The following GRIN2B variants were observed in gnomAD, a reference collection of about 807,000 sequenced individuals.
GRIN2B encodes the protein glutamate ionotropic receptor NMDA type subunit 2B.
A neutral mutation model predicts 114.5 loss-of-function variants in GRIN2B; 5 were observed. The observed-to-expected ratio is 0.04, with a 90% confidence interval of 0.02 to 0.09. The LOEUF (loss-of-function observed/expected upper bound fraction) is 0.09, where lower values mean the gene tolerates loss of function less well. Among genes scored for constraint, GRIN2B ranks in the 10% least tolerant of loss-of-function variants. The pLI, the probability that GRIN2B is intolerant of heterozygous loss-of-function variation, is 1.00. For missense variants in GRIN2B, 1,108 were observed against 1,943.5 expected, an observed-to-expected ratio of 0.57 and a Z score of 8.08; for synonymous variants, 787 against 745.1, an observed-to-expected ratio of 1.06 and a Z score of -0.92.
chr12:13,828,526 T>C (rs1865093002), intron 3 of GRIN2B, among the ~76,000 whole-genome samples: 1 of 152,176 alleles, frequency 6.6e-6, no homozygotes, highest in Non-Finnish European at 1.5e-5. Flanking sequence ...AAAACTCTCA[T>C]GCCTTATCCT....
intron 3 of GRIN2B, among the ~76,000 whole-genome samples, chr12:13,796,605 T>C (rs1261293670): frequency 2.6e-5 from 4 of 152,160 alleles, no homozygotes; most frequent in African/African-American, 4.8e-5. Flanking sequence ...AAAAAGACAA[T>C]GATCAACTCA....
intron 10 of GRIN2B, among the ~76,000 whole-genome samples, chr12:13,576,864 A>T (rs908649612): frequency 3.3e-5 from 5 of 152,166 alleles, no homozygotes; most frequent in African/African-American, 1.2e-4. Flanking sequence ...AGTACTCTTT[A>T]TTAATCACCT....
intron 2 of GRIN2B, among the ~76,000 whole-genome samples, chr12:13,890,874 C>A (rs919488644): frequency 6.6e-6 from 1 of 152,150 alleles, no homozygotes; most frequent in African/African-American, 2.4e-5. Flanking sequence ...ACAGGTAGTG[C>A]CCTGGGTATC....
chr12:13,871,007 TA>T (rs1865896782), intron 2 of GRIN2B, among the ~76,000 whole-genome samples: 1 of 152,028 alleles, frequency 6.6e-6, no homozygotes, highest in Non-Finnish European at 1.5e-5. Context: ...GTATAACATA[TA>T]GGTACCAGGA....
intron 2 of GRIN2B, among the ~76,000 whole-genome samples, chr12:13,891,590 C>T: frequency 6.6e-6 from 1 of 151,190 alleles, no homozygotes; most frequent in Non-Finnish European, 1.5e-5. Context: ...TTCTCACCTA[C>T]TGTACAAATG....
chr12:13,669,672 C>T (rs1174884232), intron 5 of GRIN2B, among the ~76,000 whole-genome samples: 1 of 152,142 alleles, frequency 6.6e-6, no homozygotes, highest in Admixed American at 6.5e-5. Flanking sequence ...TGATGTCTCA[C>T]ACCATGCTAG....
intron 3 of GRIN2B, among the ~76,000 whole-genome samples, chr12:13,766,171 ATC>A (rs1863782345): frequency 6.6e-6 from 1 of 152,240 alleles, no homozygotes; most frequent in African/African-American, 2.4e-5. Context: ...TTAAATGCTT[ATC>A]AGGTGCTGTA....
At chr12:13,581,205 C>T (rs764640487) in intron 10 of GRIN2B, among the ~76,000 whole-genome samples, 2 of 152,124 alleles carry the variant, frequency 1.3e-5, no homozygotes, top group Non-Finnish European at 1.5e-5. Context: ...ATGCCCCATG[C>T]TCCCAAAGTT....
chr12:13,943,654 C>A (rs560810346), intron 2 of GRIN2B, among the ~76,000 whole-genome samples: 1 of 152,130 alleles, frequency 6.6e-6, no homozygotes, highest in Non-Finnish European at 1.5e-5. Flanking sequence ...GTTTCCTCAG[C>A]CTGGGACGCT....
intron 9 of GRIN2B, among the ~76,000 whole-genome samples, chr12:13,609,536 G>A (rs1182501451): frequency 6.6e-6 from 1 of 152,150 alleles, no homozygotes; most frequent in Non-Finnish European, 1.5e-5. Context: ...CACTTTGGGA[G>A]GCCGAGGTGG....
intron 5 of GRIN2B, 93 bp from the exon 6 acceptor site, chr12:13,616,750 T>A (rs923358901): frequency 9.7e-7 from 1 of 1,032,898 alleles, no homozygotes; most frequent in South Asian, 1.3e-5. Flanking sequence ...CAGGAAGCAG[T>A]TGAACAAAAG....
chr12:13,921,487 T>C (rs1464520655), intron 2 of GRIN2B, among the ~76,000 whole-genome samples: 3 of 152,180 alleles, frequency 2.0e-5, no homozygotes, highest in African/African-American at 7.2e-5. Context: ...TACTTTACCT[T>C]GCAGTCTCAA....
At position 13,564,708 on chromosome 12, in the gene GRIN2B, C is replaced by G. The variant is rs996944499; in HGVS notation, c.2599-69G>C. 10 of 1,340,972 alleles carry G rather than the reference C, an allele frequency of 7.5e-6. No individual in the cohort carries two copies. The highest frequency in any genetic ancestry group is 1.1e-5 in the Non-Finnish European group (10 of 937,030). 83.1% of individuals were successfully genotyped at this position (1,340,972 alleles called of 1,614,324 possible). On this transcript the variant is annotated intron_variant, in intron 13 of 13. Coordinates refer to ENST00000609686, the MANE Select transcript of GRIN2B (RefSeq NM_000834.5). The surrounding 1 kb of genome is among the most constrained non-coding windows in gnomAD (Gnocchi z 4.8). Reference sequence around the variant, plus strand: ...AGAAATGACCACAAAAAACACTCTCCCACCAATAATTGCTCCAACTGGATA... The same window carrying G: ...AGAAATGACCACAAAAAACACTCTCGCACCAATAATTGCTCCAACTGGATA...
chr12:13,852,591 G>T (rs1865586693), intron 3 of GRIN2B, among the ~76,000 whole-genome samples: 1 of 151,120 alleles, frequency 6.6e-6, no homozygotes, highest in Non-Finnish European at 1.5e-5. Flanking sequence ...AAAACCAGGT[G>T]TGTACCTGGC....
intron 4 of GRIN2B, among the ~76,000 whole-genome samples, chr12:13,692,621 C>T (rs1456604143): frequency 2.0e-5 from 3 of 151,844 alleles, no homozygotes; most frequent in Admixed American, 6.6e-5. Context: ...TGTGAATGTG[C>T]CCTGTGATGG....
At chr12:13,804,267 A>T (rs220574) in intron 3 of GRIN2B, among the ~76,000 whole-genome samples, 7,650 of 149,262 alleles carry the variant, frequency 0.051, 628 homozygotes, top group African/African-American at 0.18. Flanking sequence ...CATTACTTAC[A>T]TTCTATTAAA....
rs1230504630 is a variant in GRIN2B, at chr12:13,978,606, G to A, written c.-19+1322C>T. The stretch of plus-strand genomic sequence containing the variant: ...TTAAAATGCCAGAAAAAAAAATTGT[G>A]TGTGTGTTGGGGTGGTGGTAATACT... On this transcript the variant is annotated intron_variant, in intron 2 of 13. Coordinates refer to ENST00000609686, the MANE Select transcript of GRIN2B (RefSeq NM_000834.5). Among the ~76,000 whole-genome samples, 8 of 152,292 alleles carry A rather than the reference G, an allele frequency of 5.3e-5. No individual in the cohort carries two copies. The East Asian group carries it at 1.3e-3, about 26-fold the overall frequency.
At chr12:13,575,050 T>G (rs1339699416) in intron 10 of GRIN2B, among the ~76,000 whole-genome samples, 1 of 152,108 alleles carries the variant, frequency 6.6e-6, no homozygotes, top group Non-Finnish European at 1.5e-5. Flanking sequence ...TACACAGAAC[T>G]TAAAGTGGAT....
At chr12:13,778,704 C>T (rs998036119) in intron 3 of GRIN2B, among the ~76,000 whole-genome samples, 1 of 152,144 alleles carries the variant, frequency 6.6e-6, no homozygotes, top group African/African-American at 2.4e-5. Context: ...TTTTATTTGG[C>T]CAAAAATCTT....
Sources: allele counts gnomAD v4.1 joint callset (sites outside exome capture counted in the v4.1 genomes callset), GRCh38; gene constraint gnomAD v4.1.1; non-coding constraint Gnocchi (gnomAD v3.1); transcripts MANE v1.5; gene names NCBI Gene and HGNC (gene_info 2026-07-23, HGNC 2026-07-21).